The following ADGRG3 variants were observed in gnomAD, a reference collection of about 807,000 sequenced individuals.
ADGRG3 encodes G protein-coupled receptor 97.
In ADGRG3, 39 loss-of-function variants were observed where a neutral mutation model predicts 54.3. That is an observed-to-expected ratio of 0.72 (90% CI 0.56 to 0.94). The LOEUF (loss-of-function observed/expected upper bound fraction) is 0.94, where lower values mean the gene tolerates loss of function less well. Ranked by LOEUF, ADGRG3 falls within the 40% of genes least tolerant of loss-of-function variation. The pLI is 0.00. For missense variants in ADGRG3, 654 were observed against 694.6 expected (o/e 0.94, Z 0.66); for synonymous variants, 312 against 290.0 (o/e 1.08, Z -0.77).
chr16:57,676,037 C>T (rs544039925), intron 2 of ADGRG3, among the ~76,000 whole-genome samples, 163 bp from the exon 3 acceptor site: 34 of 152,218 alleles, frequency 2.2e-4, no homozygotes, highest in Non-Finnish European at 4.1e-4. Flanking sequence ...TGGAATTCTG[C>T]AGGAGCAGCC....
Position 57,678,171 on chromosome 16 carries a change from T to C in ADGRG3, c.347T>C (p.Val116Ala), listed in dbSNP as rs751992559. 1.1e-5 allele frequency: 18 copies of C among 1,613,848 alleles called. No individual in the cohort carries two copies. The highest frequency in any genetic ancestry group is 1.5e-5 in the Non-Finnish European group (18 of 1,179,950). The change falls in exon 4 of 12, where the codon GTT (valine) becomes GCT (alanine). Residue 116 changes from valine (V) to alanine (A), a missense_variant and splice_region_variant. Transcript: ENST00000333493. ...DFYFSLEPSQ[V>A]PRQVMKDEDK... ...GAGCTGCTGTGTCTGTGGTTGTAGG[T>C]TCCGAGGCAGGTGATGAAGGACGAG...
At chr16:57,688,241 G>T in intron 11 of ADGRG3, 111 bp from the exon 12 acceptor site, 1 of 750,556 alleles carries the variant, frequency 1.3e-6, no homozygotes, top group Non-Finnish European at 2.5e-6. Context: ...TTTCCCAGCA[G>T]TTCTTGAGTG....
chr16:57,667,441 T>G (rs2048078960), upstream of ADGRG3, among the ~76,000 whole-genome samples: 1 of 152,246 alleles, frequency 6.6e-6, no homozygotes, highest in Non-Finnish European at 1.5e-5. Flanking sequence ...CAGGAGTGTT[T>G]GCCACCCCCA....
upstream of ADGRG3, among the ~76,000 whole-genome samples, chr16:57,667,342 A>C (rs1306265189): frequency 6.6e-6 from 1 of 152,248 alleles, no homozygotes; most frequent in Non-Finnish European, 1.5e-5. Context: ...TCCAATTGCC[A>C]AGTGGCCATG....
intron 8 of ADGRG3, among the ~76,000 whole-genome samples, chr16:57,681,721 C>T (rs371664570): frequency 4.9e-4 from 60 of 122,914 alleles, no homozygotes; most frequent in African/African-American, 1.2e-3. Flanking sequence ...TGCAAAACTC[C>T]GTCTCAAAAA....
chr16:57,676,008 A>G (rs1279363073), intron 2 of ADGRG3, among the ~76,000 whole-genome samples, 192 bp from the exon 3 acceptor site: 1 of 152,224 alleles, frequency 6.6e-6, no homozygotes, highest in Non-Finnish European at 1.5e-5. Context: ...CACATAAAAT[A>G]CTCAGAGGGA....
chr16:57,672,562 G>T (rs1231497371), intron 1 of ADGRG3, among the ~76,000 whole-genome samples: 3 of 152,158 alleles, frequency 2.0e-5, no homozygotes, highest in Non-Finnish European at 4.4e-5. Context: ...GCTCCATTTT[G>T]CTGGCAAAAG....
chr16:57,670,899 C>G (rs2148693144), intron 1 of ADGRG3, among the ~76,000 whole-genome samples: 1 of 152,048 alleles, frequency 6.6e-6, no homozygotes, highest in South Asian at 2.1e-4. Flanking sequence ...AAATCAAATA[C>G]CAGGGAGGGA....
chr16:57,668,366 C>G lies in ADGRG3; in HGVS notation c.19C>G (p.Leu7Val). The G allele has an allele frequency of 6.3e-7, 1 of 1,575,180 alleles. No homozygotes were observed. Among genetic ancestry groups the G allele is most frequent in the Non-Finnish European group, 8.6e-7 (1 of 1,167,466 alleles). The change falls in exon 1 of 12, where the codon CTG becomes GTG. Residue 7 changes from leucine (L) to valine (V), a missense_variant. Physicochemically the swap from Leu to Val is conservative, Grantham distance 32. Coordinates refer to ENST00000333493, the MANE Select transcript of ADGRG3 (RefSeq NM_170776.5). MATPRG[L>V]GALLLLLLLP... ...GCCAAGGATGGCGACGCCCAGGGGC[C>G]TGGGGGCCCTGCTCCTGCTCCTCCT...
intron 3 of ADGRG3, among the ~76,000 whole-genome samples, chr16:57,676,921 G>C (rs750441601): frequency 3.3e-5 from 5 of 152,248 alleles, no homozygotes; most frequent in African/African-American, 7.2e-5. Flanking sequence ...GGGATAGTGA[G>C]GGCTTAGAAA....
chr16:57,685,567 C>T (rs2048457985), intron 10 of ADGRG3, 76 bp from the exon 11 acceptor site: 1 of 1,438,382 alleles, frequency 7.0e-7, no homozygotes, highest in African/African-American at 1.4e-5. Flanking sequence ...GACAGAAAAG[C>T]TCAGCCAGGG....
intron 8 of ADGRG3, among the ~76,000 whole-genome samples, chr16:57,683,436 C>T (rs1237734836): frequency 6.6e-6 from 1 of 152,176 alleles, no homozygotes; most frequent in East Asian, 1.9e-4. Flanking sequence ...AATGTAAATG[C>T]CCATCTCTGA....
chr16:57,688,958 C>T lies in ADGRG3; in HGVS notation c.*497C>T, dbSNP rs2048522982. 3 of 159,388 alleles carry T rather than the reference C, an allele frequency of 1.9e-5. No individual in the cohort carries two copies. Among genetic ancestry groups the T allele is most frequent in the Non-Finnish European group, 4.2e-5 (3 of 71,880 alleles). The allele number at this position is 159,388 out of a possible 1,614,324, so 9.9% of individuals were successfully genotyped here. On this transcript the variant is annotated 3_prime_UTR_variant, in exon 12 of 12. Transcript: ENST00000333493. ...TTTGGGGGGTGGGAGTTGATCCTCC[C>T]ACCCAGTCTGCCCCTGGTCTCTGCC...
At chr16:57,681,550 A>G (rs942400699) in intron 8 of ADGRG3, among the ~76,000 whole-genome samples, 1 of 152,040 alleles carries the variant, frequency 6.6e-6, no homozygotes. Flanking sequence ...GTGAAAGCCC[A>G]TCTCTACTAA....
chr16:57,682,491 C>T (rs981233374), intron 8 of ADGRG3: 4 of 985,200 alleles, frequency 4.1e-6, no homozygotes, highest in Admixed American at 1.2e-4. Context: ...CAAGCCCTGG[C>T]CTAGGACATG....
At chr16:57,665,738 C>A (rs546862279), upstream of ADGRG3, among the ~76,000 whole-genome samples, 21 of 152,318 alleles carry the variant, frequency 1.4e-4, no homozygotes, top group Non-Finnish European at 3.1e-4. Flanking sequence ...CTCCCCAAGG[C>A]CCACAGTCCA....
rs1157493803 is a variant in ADGRG3 at position 57,685,820 on chromosome 16, C to A, written c.1434C>A (p.Thr478=). ...ERGKNRKKVL[T]LLGLSSLVGV... Reference sequence around the variant, plus strand: ...GGAAGAACCGGAAGAAGGTGCTCACCCTGCTGGGCCTCTCGAGCCTGGTGG... The same window carrying A: ...GGAAGAACCGGAAGAAGGTGCTCACACTGCTGGGCCTCTCGAGCCTGGTGG... Residue 478 remains threonine, a synonymous_variant, in exon 11 of 12, where the codon ACC becomes ACA. Coordinates refer to ENST00000333493, the MANE Select transcript of ADGRG3 (RefSeq NM_170776.5). 6.2e-7 allele frequency: 1 copy of A among 1,614,194 alleles called. No homozygotes were observed. Among genetic ancestry groups the A allele is most frequent in the Non-Finnish European group, 8.5e-7 (1 of 1,180,032 alleles).
At chr16:57,684,367 A>C in intron 9 of ADGRG3, 23 bp from the exon 10 acceptor site, 1 of 1,604,560 alleles carries the variant, frequency 6.2e-7, no homozygotes, top group Non-Finnish European at 8.5e-7. Flanking sequence ...CAGTGGTGTC[A>C]TGCCATTTCC....
chr16:57,682,563 G>C (rs1294411771), intron 8 of ADGRG3: 2 of 985,356 alleles, frequency 2.0e-6, no homozygotes, highest in African/African-American at 3.5e-5. Flanking sequence ...GACCCTGTGA[G>C]CGGGGCTTGG....
Sources: allele counts gnomAD v4.1 joint callset (sites outside exome capture counted in the v4.1 genomes callset), GRCh38; gene constraint gnomAD v4.1.1; transcripts MANE v1.5; gene names NCBI Gene and HGNC (gene_info 2026-07-23, HGNC 2026-07-21).